The following IL34 variants were observed in gnomAD, a reference collection of about 807,000 sequenced individuals.
The protein encoded by IL34 is interleukin-34.
A neutral mutation model predicts 25.3 loss-of-function variants in IL34; 17 were observed. The ratio of observed to expected loss-of-function variants is 0.67; its 90% CI spans 0.46 to 1.01. The LOEUF is 1.01. Among genes scored for constraint, IL34 ranks in the 50% least tolerant of loss-of-function variants. The pLI, the probability that IL34 is intolerant of heterozygous loss-of-function variation, is 0.00. For missense variants in IL34, 368 were observed against 312.9 expected, an observed-to-expected ratio of 1.18 and a Z score of -1.33; for synonymous variants, 174 against 140.9, an observed-to-expected ratio of 1.23 and a Z score of -1.66.
At chr16:70,637,620 C>T (rs1031029269) in intron 1 of IL34, among the ~76,000 whole-genome samples, 6 of 152,308 alleles carry the variant, frequency 3.9e-5, no homozygotes, top group African/African-American at 1.4e-4. Context: ...GCTGGGATCA[C>T]AGGTGTGAGC....
chr16:70,656,374 C>G (rs760493898), intron 2 of IL34, among the ~76,000 whole-genome samples: 11 of 152,174 alleles, frequency 7.2e-5, no homozygotes, highest in Admixed American at 2.6e-4. Context: ...AAAAAATCAT[C>G]TGGGCGTGGT....
At chr16:70,636,305 G>C (rs947062576) in intron 1 of IL34, among the ~76,000 whole-genome samples, 5 of 151,924 alleles carry the variant, frequency 3.3e-5, no homozygotes, top group African/African-American at 1.2e-4. Context: ...CAAAGTGCTG[G>C]GATTACAGGT....
chr16:70,591,667 G>C (rs941874964), intron 1 of IL34, among the ~76,000 whole-genome samples: 2 of 152,006 alleles, frequency 1.3e-5, no homozygotes, highest in African/African-American at 4.8e-5. Context: ...ACAGGGAGCT[G>C]TCATTTACCT....
intron 1 of IL34, among the ~76,000 whole-genome samples, chr16:70,611,031 T>A (rs925565305): frequency 6.6e-6 from 1 of 152,180 alleles, no homozygotes; most frequent in African/African-American, 2.4e-5. Flanking sequence ...CGGAGCACAG[T>A]GGCCTGGCAC....
intron 4 of IL34, 126 bp downstream of exon 4, chr16:70,657,247 G>A (rs1379465765): frequency 2.0e-6 from 2 of 987,416 alleles, no homozygotes; most frequent in Non-Finnish European, 2.9e-6. Context: ...CACAAGCAGA[G>A]GGACGTGGGA....
intron 1 of IL34, among the ~76,000 whole-genome samples, chr16:70,638,878 G>C (rs2051717606): frequency 1.3e-5 from 2 of 152,168 alleles, no homozygotes; most frequent in African/African-American, 4.8e-5. Context: ...CACCGCACCA[G>C]CCCAGTTTGT....
chr16:70,630,901 G>A (rs1280104318), intron 1 of IL34, among the ~76,000 whole-genome samples: 1 of 152,120 alleles, frequency 6.6e-6, no homozygotes, highest in Non-Finnish European at 1.5e-5. Context: ...CTGCTGATGG[G>A]CACTCAGTTT....
intron 1 of IL34, among the ~76,000 whole-genome samples, chr16:70,619,771 G>A (rs1031761645): frequency 2.0e-5 from 3 of 152,098 alleles, no homozygotes; most frequent in Non-Finnish European, 4.4e-5. Context: ...CAGTCAGAGA[G>A]CCTTGGGCCA....
chr16:70,628,493 ATTTTTTTT>A (rs899078206), intron 1 of IL34, among the ~76,000 whole-genome samples: 3 of 146,230 alleles, frequency 2.1e-5, no homozygotes, highest in African/African-American at 7.4e-5. Flanking sequence ...TTATTTATTT[ATTTTTTTT>A]TTTGAGACAG....
At chr16:70,631,831 C>G (rs2051524961) in intron 1 of IL34, among the ~76,000 whole-genome samples, 1 of 152,050 alleles carries the variant, frequency 6.6e-6, no homozygotes, top group African/African-American at 2.4e-5. Flanking sequence ...CCTCATCCCT[C>G]TGGTCCTTCA....
rs754912577 is a variant in IL34, at chr16:70,660,164, C to T, written c.706C>T (p.Gln236Ter). Residue 236 changes from glutamine to a stop codon, truncating the protein, a stop_gained, in exon 6 of 6, where the codon CAG becomes TAG. Transcript: ENST00000288098. LOFTEE classifies it low-confidence loss of function (END_TRUNC). ...GGGCTCGGTGAGGCCGGTCAGGGCACAGGGCGAGGGCCTCTTGCCCTGAGC... is the reference window on the plus strand; with the variant it reads ...GGGCTCGGTGAGGCCGGTCAGGGCATAGGGCGAGGGCCTCTTGCCCTGAGC... ...STGSVRPVRAQGEGLLP is the reference protein window; with the variant it reads ...STGSVRPVRA 2 of 1,601,548 alleles carry T rather than the reference C, an allele frequency of 1.2e-6. No individual in the cohort carries two copies.
rs190807664 is a variant in IL34 at position 70,630,420 on chromosome 16, C to T, written c.-400-16128C>T. Among the ~76,000 whole-genome samples, 176 of 151,004 alleles carry T rather than the reference C, an allele frequency of 1.2e-3. 1 individual carries two copies. The highest frequency in any genetic ancestry group is 3.1e-3 in the African/African-American group (128 of 41,106). ...CTAAGTTTTGTATTTTTAGTAGAGACGAGGTTTCACCATGTTGGGCAGGCT... is the reference window on the plus strand; with the variant it reads ...CTAAGTTTTGTATTTTTAGTAGAGATGAGGTTTCACCATGTTGGGCAGGCT... On this transcript the variant is annotated intron_variant, in intron 1 of 6. Coordinates refer to the IL34 transcript ENST00000429149.
intron 1 of IL34, among the ~76,000 whole-genome samples, chr16:70,622,501 G>A (rs934173582): frequency 2.0e-5 from 3 of 151,870 alleles, no homozygotes; most frequent in African/African-American, 7.3e-5. Context: ...CTATAGCATA[G>A]CCTGCCTTTG....
chr16:70,606,445 T>C (rs1302105892), intron 1 of IL34, among the ~76,000 whole-genome samples: 1 of 152,104 alleles, frequency 6.6e-6, no homozygotes, highest in Non-Finnish European at 1.5e-5. Flanking sequence ...TAAATCAAGA[T>C]AGTGAACCTA....
chr16:70,654,658 G>T lies in IL34; in HGVS notation c.149G>T (p.Arg50Leu). Reference protein sequence around the residue: ...FLRDKLQYRSRLQYMKHYFPI... With the variant: ...FLRDKLQYRSLLQYMKHYFPI... ...CGGGACAAGCTGCAGTACAGGAGCC[G>T]ACTTCAGTACATGGTAACCACGTGG... Residue 50 changes from arginine (R) to leucine (L), a missense_variant, in exon 2 of 6, where the codon CGA becomes CTA. Coordinates refer to ENST00000288098, the MANE Select transcript of IL34 (RefSeq NM_001393494.1). 1 of 1,609,180 alleles carries T rather than the reference G, an allele frequency of 6.2e-7. No individual in the cohort carries two copies. The highest frequency in any genetic ancestry group is 8.5e-7 in the Non-Finnish European group (1 of 1,176,396).
At chr16:70,643,563 C>T (rs1464302242), upstream of IL34, among the ~76,000 whole-genome samples, 3 of 152,102 alleles carry the variant, frequency 2.0e-5, no homozygotes, top group South Asian at 2.1e-4. Context: ...TTGGTAGATA[C>T]GGGTTCTCAC....
At chr16:70,596,024 A>C (rs2050818169) in intron 1 of IL34, among the ~76,000 whole-genome samples, 1 of 149,384 alleles carries the variant, frequency 6.7e-6, no homozygotes, top group African/African-American at 2.5e-5. Context: ...AAAAAAAAAA[A>C]AGAAAGTTGT....
intron 1 of IL34, among the ~76,000 whole-genome samples, chr16:70,617,195 T>A (rs192385837): frequency 3.3e-5 from 5 of 151,924 alleles, no homozygotes; most frequent in African/African-American, 1.2e-4. Flanking sequence ...AAAAACTAAA[T>A]GGAATAAGAG....
At chr16:70,640,752 G>GA (rs1339660539) in intron 1 of IL34, among the ~76,000 whole-genome samples, 4 of 152,062 alleles carry the variant, frequency 2.6e-5, no homozygotes, top group African/African-American at 7.2e-5. Flanking sequence ...CATACGGTTG[G>GA]ATAAATTTCA....
Sources: gnomAD v4.1 joint callset for allele counts (sites outside exome capture counted in the v4.1 genomes callset) on GRCh38, gnomAD v4.1.1 for gene constraint, MANE v1.5 for transcripts, NCBI Gene and HGNC (gene_info 2026-07-23, HGNC 2026-07-21) for gene names.